Variants in BLTP1 observed in about 807,000 individuals in gnomAD.
BLTP1 encodes the protein bridge-like lipid transfer protein family member 1, also known as fragile site-associated protein.
the BLTP1 span, chr4:122,237,981 CA>C: frequency 0.051 from 39,753 of 776,412 alleles, 3 homozygotes; most frequent in South Asian, 0.054. Context: ...GACTCCATCT[CA>C]AAAAAAAAAA....
the BLTP1 span, among the ~76,000 whole-genome samples, chr4:122,167,140 G>A: frequency 2.0e-5 from 3 of 152,276 alleles, no homozygotes; most frequent in African/African-American, 4.8e-5. Flanking sequence ...GGACCTGTTA[G>A]TGAACATATG....
the BLTP1 span, chr4:122,200,217 T>C: frequency 1.0e-6 from 1 of 983,378 alleles, no homozygotes; most frequent in Non-Finnish European, 1.2e-6. Context: ...GAATTCTTCA[T>C]CTATTGCTGA....
chr4:122,174,805 A>C, the BLTP1 span, among the ~76,000 whole-genome samples: 1 of 152,100 alleles, frequency 6.6e-6, no homozygotes, highest in African/African-American at 2.4e-5. Context: ...TGATGAATTG[A>C]TGTTTTAAAA....
At chr4:122,295,241 C>T in the BLTP1 span, among the ~76,000 whole-genome samples, 5 of 151,762 alleles carry the variant, frequency 3.3e-5, no homozygotes, top group African/African-American at 1.2e-4. Flanking sequence ...GGCCAACATT[C>T]GAATTCAGGA....
At chr4:122,272,487 C>A in the BLTP1 span, 1 of 1,214,886 alleles carries the variant, frequency 8.2e-7, no homozygotes, top group Non-Finnish European at 1.1e-6. Flanking sequence ...TGCCATGTCT[C>A]CAAAATTCCT....
chr4:122,325,804 T>G, the BLTP1 span: 1 of 983,744 alleles, frequency 1.0e-6, no homozygotes. Flanking sequence ...AAGTCATTGT[T>G]ATTTTTCATG....
At chr4:122,216,137 AT>A in the BLTP1 span, among the ~76,000 whole-genome samples, 2 of 143,312 alleles carry the variant, frequency 1.4e-5, no homozygotes, top group East Asian at 2.3e-4. Context: ...CTATCTATCT[AT>A]CTATCTACCA....
At chr4:122,293,739 C>G in the BLTP1 span, among the ~76,000 whole-genome samples, 1 of 152,126 alleles carries the variant, frequency 6.6e-6, no homozygotes, top group East Asian at 1.9e-4. Context: ...TTTTATAGAC[C>G]CCACTCCCAG....
At chr4:122,200,998 T>C in the BLTP1 span, 2 of 1,605,628 alleles carry the variant, frequency 1.2e-6, no homozygotes, top group South Asian at 1.1e-5. Context: ...TACCTAACAT[T>C]TGTTTTGCAG....
At chr4:122,353,110 C>G in the BLTP1 span, 1 of 1,613,750 alleles carries the variant, frequency 6.2e-7, no homozygotes, top group Non-Finnish European at 8.5e-7. The surrounding 1 kb of genome is among the most constrained non-coding windows in gnomAD (Gnocchi z 4.3). Context: ...TTTAGAAGAA[C>G]CAAATATTGC....
At chr4:122,236,879 C>A in the BLTP1 span, 5 of 963,608 alleles carry the variant, frequency 5.2e-6, no homozygotes, top group Non-Finnish European at 6.0e-6. Context: ...TGGAAATAAC[C>A]CCTACATACG....
chr4:122,215,308 G>A, the BLTP1 span: 1 of 912,450 alleles, frequency 1.1e-6, no homozygotes, highest in Non-Finnish European at 1.3e-6. Flanking sequence ...TAATCTACAG[G>A]AATCTAAATT....
chr4:122,189,909 C>A, the BLTP1 span: 21 of 1,457,094 alleles, frequency 1.4e-5, no homozygotes, highest in African/African-American at 2.5e-4. Flanking sequence ...TTTTCCTTTT[C>A]TTTTCACCTA....
the BLTP1 span, chr4:122,254,453 A>T: frequency 1.6e-6 from 2 of 1,277,312 alleles, no homozygotes; most frequent in Non-Finnish European, 2.1e-6. Flanking sequence ...TATATATAGT[A>T]TTAAGGTTGC....
the BLTP1 span, chr4:122,187,930 A>G: frequency 1.9e-6 from 3 of 1,589,464 alleles, no homozygotes; most frequent in Non-Finnish European, 2.6e-6. Flanking sequence ...ACCAGCCGCA[A>G]ACTCTGTGCA....
chr4:122,206,330 G>A, the BLTP1 span, among the ~76,000 whole-genome samples: 1 of 151,794 alleles, frequency 6.6e-6, no homozygotes, highest in African/African-American at 2.4e-5. Flanking sequence ...TAAATGTCAA[G>A]TAAAACAAAA....
At chr4:122,336,911 A>G in the BLTP1 span, 8 of 1,608,414 alleles carry the variant, frequency 5.0e-6, no homozygotes, top group Middle Eastern at 6.6e-4. Context: ...GATATGGGAC[A>G]TTTTGAAATA....
chr4:122,325,457 A>G, the BLTP1 span: 3 of 1,375,836 alleles, frequency 2.2e-6, no homozygotes, highest in South Asian at 1.8e-5. Flanking sequence ...TGAACTGTGC[A>G]TATTACCAAG....
the BLTP1 span, chr4:122,221,172 T>C: frequency 3.0e-6 from 1 of 328,774 alleles, no homozygotes; most frequent in Non-Finnish European, 4.4e-6. Flanking sequence ...CCAGAAATCA[T>C]CAATGAATGA....
Sources: allele counts gnomAD v4.1 joint callset (sites outside exome capture counted in the v4.1 genomes callset), GRCh38; gene constraint gnomAD v4.1.1; non-coding constraint Gnocchi (gnomAD v3.1); transcripts MANE v1.5; gene names NCBI Gene and HGNC (gene_info 2026-07-23, HGNC 2026-07-21).